RPS6KA6: variants seen among roughly 807,000 people sequenced by gnomAD.
The protein encoded by RPS6KA6 is ribosomal protein S6 kinase alpha-6.
A neutral mutation model predicts 65.4 loss-of-function variants in RPS6KA6; 27 were observed. The ratio of observed to expected loss-of-function variants is 0.41; its 90% CI spans 0.30 to 0.57. The LOEUF (loss-of-function observed/expected upper bound fraction) is 0.57. Ranked by LOEUF, RPS6KA6 falls within the 20% of genes least tolerant of loss-of-function variation. The pLI, the probability that RPS6KA6 is intolerant of heterozygous loss-of-function variation, is 0.24. For synonymous variants in RPS6KA6, 190 were observed against 184.2 expected (o/e 1.03, Z -0.26); for missense variants, 486 against 555.6 (o/e 0.87, Z 1.26).
At chrX:84,102,221 A>T (rs899169235) in intron 17 of RPS6KA6, 23 bp from the exon 18 acceptor site, 5 of 818,040 alleles carry the variant, frequency 6.1e-6, no homozygotes, top group Non-Finnish European at 8.3e-6. Flanking sequence ...GGAAAAAAGC[A>T]TTATATCTAT....
chrX:84,146,850 C>G, intron 5 of RPS6KA6, 128 bp downstream of exon 5: 2 of 355,321 alleles, frequency 5.6e-6, no homozygotes, highest in Non-Finnish European at 9.6e-6. Context: ...TTTTACGTAG[C>G]TGAATATACT....
intron 8 of RPS6KA6, among the ~76,000 whole-genome samples, chrX:84,120,963 T>C (rs191303577): frequency 2.7e-4 from 30 of 112,365 alleles, no homozygotes; most frequent in Non-Finnish European, 1.9e-5. Context: ...AGGTTGGACA[T>C]ATATATCAAT....
In RPS6KA6 at chrX:84,156,108, C is replaced by A. The variant is rs1296197879; in HGVS notation, c.225G>T (p.Leu75Phe). The A allele has an allele frequency of 8.4e-7, 1 of 1,197,457 alleles. No homozygotes were observed. Among genetic ancestry groups the A allele is most frequent in the South Asian group, 1.8e-5 (1 of 56,451 alleles). Residue 75 changes from leucine (L) to phenylalanine (F), a missense_variant, in exon 3 of 22, where the codon TTG becomes TTT. Around this residue, in one of 3 missense-constraint regions of RPS6KA6, gnomAD observed 106 missense variants for 105.0 expected, o/e 1.01. Coordinates refer to ENST00000262752, the MANE Select transcript of RPS6KA6 (RefSeq NM_014496.5). ...YEKADPAQFE[L>F]LKVLGQGSFG... ...ATGACCCCTGACCAAGAACCTTGAG[C>A]AACTCAAACTGTGCAGGATCTGCTT...
At chrX:84,116,839 A>AT (rs1353174198) in intron 11 of RPS6KA6, among the ~76,000 whole-genome samples, 1 of 111,763 alleles carries the variant, frequency 8.9e-6, no homozygotes, top group Non-Finnish European at 1.9e-5. Context: ...AACCCATAAT[A>AT]TATACATAAT....
intron 20 of RPS6KA6, among the ~76,000 whole-genome samples, chrX:84,092,953 T>C (rs2034077872): frequency 8.9e-6 from 1 of 111,894 alleles, no homozygotes; most frequent in Non-Finnish European, 1.9e-5. Flanking sequence ...ACATATGAAT[T>C]GATAAAGAAA....
At chrX:84,177,300 G>C (rs1602490591) in intron 1 of RPS6KA6, among the ~76,000 whole-genome samples, 1 of 110,865 alleles carries the variant, frequency 9.0e-6, no homozygotes, top group African/African-American at 3.3e-5. Flanking sequence ...TTGCAGATGT[G>C]ATATATTTAA....
At chrX:84,066,029 C>T (rs2033393896) in intron 20 of RPS6KA6, among the ~76,000 whole-genome samples, 1 of 111,100 alleles carries the variant, frequency 9.0e-6, no homozygotes, top group Non-Finnish European at 1.9e-5. Flanking sequence ...GGGGACCTCT[C>T]TCCCTCAGCC....
intron 1 of RPS6KA6, among the ~76,000 whole-genome samples, chrX:84,175,759 A>G (rs2035756455): frequency 8.9e-6 from 1 of 112,006 alleles, no homozygotes; most frequent in African/African-American, 3.2e-5. Flanking sequence ...AATTTGTGAC[A>G]TAATATATTG....
intron 6 of RPS6KA6, among the ~76,000 whole-genome samples, chrX:84,140,685 G>C (rs1382249820): frequency 2.3e-5 from 2 of 87,351 alleles, no homozygotes; most frequent in Non-Finnish European, 4.2e-5. Context: ...AGTGAGCTGA[G>C]ATCACGCTAC....
intron 12 of RPS6KA6, among the ~76,000 whole-genome samples, chrX:84,115,682 T>G (rs765925040): frequency 8.0e-5 from 9 of 111,847 alleles, no homozygotes; most frequent in African/African-American, 2.9e-4. Context: ...CTGTTCACAA[T>G]AGCAAAGTCA....
intron 20 of RPS6KA6, among the ~76,000 whole-genome samples, chrX:84,074,727 T>C (rs183645714): frequency 3.6e-4 from 40 of 111,449 alleles, no homozygotes; most frequent in Non-Finnish European, 1.5e-4. Flanking sequence ...TTTAAAAGTA[T>C]CTAGCACCCA....
chrX:84,140,357 C>T (rs2035073009), intron 6 of RPS6KA6, among the ~76,000 whole-genome samples: 1 of 111,151 alleles, frequency 9.0e-6, no homozygotes, highest in South Asian at 3.8e-4. Flanking sequence ...TATCTCAGAA[C>T]AGAGATCAAT....
intron 12 of RPS6KA6, among the ~76,000 whole-genome samples, chrX:84,114,984 A>G (rs2034537064): frequency 8.9e-6 from 1 of 112,261 alleles, no homozygotes; most frequent in Admixed American, 9.4e-5. Flanking sequence ...ACTTAAACAT[A>G]AGATGTGAAA....
intron 20 of RPS6KA6, among the ~76,000 whole-genome samples, chrX:84,093,845 A>G (rs1472759248): frequency 3.6e-5 from 4 of 111,385 alleles, no homozygotes; most frequent in Non-Finnish European, 5.6e-5. Flanking sequence ...GACCTCCTCA[A>G]TTTCTCCAGT....
intron 20 of RPS6KA6, among the ~76,000 whole-genome samples, chrX:84,074,972 C>T (rs1182398431): frequency 1.8e-5 from 2 of 111,921 alleles, no homozygotes; most frequent in African/African-American, 3.3e-5. Flanking sequence ...TGGTGGCTCA[C>T]GCCTGTAATC....
At chrX:84,107,089 T>C in intron 13 of RPS6KA6, 49 bp from the exon 14 acceptor site, 1 of 1,019,862 alleles carries the variant, frequency 9.8e-7, no homozygotes, top group Non-Finnish European at 1.3e-6. Flanking sequence ...CAGAATTCTA[T>C]GATATAAAGT....
At chrX:84,159,013 AATAG>A (rs1484952255) in intron 2 of RPS6KA6, among the ~76,000 whole-genome samples, 3 of 111,689 alleles carry the variant, frequency 2.7e-5, no homozygotes, top group Non-Finnish European at 3.8e-5. Context: ...ACAGATACAT[AATAG>A]ATATACACAC....
intron 18 of RPS6KA6, among the ~76,000 whole-genome samples, chrX:84,100,404 T>G (rs2034236965): frequency 9.0e-6 from 1 of 111,286 alleles, no homozygotes; most frequent in South Asian, 3.6e-4. Flanking sequence ...ATATTATATA[T>G]TTTTCATTTT....
At chrX:84,129,987 A>C (rs754854522) in intron 8 of RPS6KA6, among the ~76,000 whole-genome samples, 1 of 111,193 alleles carries the variant, frequency 9.0e-6, no homozygotes, top group East Asian at 2.8e-4. Flanking sequence ...TAAATAACTA[A>C]ATGCATATGA....
Sources: allele counts gnomAD v4.1 joint callset (sites outside exome capture counted in the v4.1 genomes callset), GRCh38; gene constraint gnomAD v4.1.1; regional missense constraint gnomAD v4.1.1; transcripts MANE v1.5; gene names NCBI Gene and HGNC (gene_info 2026-07-23, HGNC 2026-07-21).